Variants in TEX10 observed in about 807,000 individuals in gnomAD.
The protein encoded by TEX10 is testis expressed 10, also known as testis-expressed protein 10.
Under a neutral mutation model 104.4 loss-of-function variants are expected in TEX10, and 24 were observed. That is an observed-to-expected ratio of 0.23 (90% CI 0.17 to 0.32). The LOEUF (loss-of-function observed/expected upper bound fraction) is 0.32, where lower values mean the gene tolerates loss of function less well. Ranked by LOEUF, TEX10 falls within the 10% of genes least tolerant of loss-of-function variation. The probability of loss-of-function intolerance (pLI) is 1.00; values close to 1 mark genes in which losing one functional copy is unlikely to be tolerated. For synonymous variants in TEX10, 396 were observed against 393.4 expected (o/e 1.01, Z -0.08); for missense variants, 921 against 1,083.9 (o/e 0.85, Z 2.11).
chr9:100,314,345 C>G (rs1290406741), intron 11 of TEX10, among the ~76,000 whole-genome samples: 1 of 152,142 alleles, frequency 6.6e-6, no homozygotes, highest in Non-Finnish European at 1.5e-5. Flanking sequence ...CTCAGCCTCC[C>G]AAAATGCTGG....
intron 13 of TEX10, chr9:100,306,055 C>G (rs149300443): frequency 6.6e-6 from 1 of 151,746 alleles, no homozygotes; most frequent in Non-Finnish European, 1.5e-5. Flanking sequence ...CAAGAACACG[C>G]GAAAATGACA....
At chr9:100,316,218 G>C (rs535217447) in intron 11 of TEX10, among the ~76,000 whole-genome samples, 1 of 152,172 alleles carries the variant, frequency 6.6e-6, no homozygotes, top group Non-Finnish European at 1.5e-5. Context: ...GAATGGTTCA[G>C]TATACACAAA....
At chr9:100,312,279 G>A (rs954918889) in intron 11 of TEX10, among the ~76,000 whole-genome samples, 1 of 152,168 alleles carries the variant, frequency 6.6e-6, no homozygotes, top group African/African-American at 2.4e-5. Flanking sequence ...GTAAACTCTG[G>A]CACTGGATTT....
At chr9:100,317,132 A>G (rs1038886740) in intron 11 of TEX10, among the ~76,000 whole-genome samples, 4 of 152,112 alleles carry the variant, frequency 2.6e-5, no homozygotes, top group South Asian at 2.1e-4. Context: ...ACAAAATTAG[A>G]AAAAAACCAT....
At chr9:100,342,591 T>C (rs1835201049) in intron 4 of TEX10, among the ~76,000 whole-genome samples, 1 of 152,226 alleles carries the variant, frequency 6.6e-6, no homozygotes, top group Non-Finnish European at 1.5e-5. Context: ...CCATTATTTA[T>C]TGATGCCCAA....
At chr9:100,313,387 C>T (rs541429012) in intron 11 of TEX10, among the ~76,000 whole-genome samples, 10 of 151,466 alleles carry the variant, frequency 6.6e-5, no homozygotes, top group Admixed American at 1.3e-4. Flanking sequence ...TGGTGGCAAG[C>T]GCCTGTAATC....
At chr9:100,333,379 T>C (rs1228307010) in intron 5 of TEX10, among the ~76,000 whole-genome samples, 2 of 152,146 alleles carry the variant, frequency 1.3e-5, no homozygotes, top group African/African-American at 4.8e-5. Flanking sequence ...GGAATAATTC[T>C]TCCTAAACTA....
chr9:100,347,226 G>A lies in TEX10; in HGVS notation c.361C>T (p.Leu121Phe). The stretch of plus-strand genomic sequence containing the variant: ...ATTTTGGGGGCCAGGAATTGAAGAA[G>A]TTGAACTGCTGCTAATCGTACATTA... ...DANVRLAAVQLLQFLAPKIRA... is the reference protein window; with the variant it reads ...DANVRLAAVQFLQFLAPKIRA... The change falls in exon 3 of 15, where the codon CTT (leucine) becomes TTT (phenylalanine). Residue 121 changes from leucine (L) to phenylalanine (F), a missense_variant. Coordinates refer to ENST00000374902, the MANE Select transcript of TEX10 (RefSeq NM_017746.4). The A allele has an allele frequency of 6.2e-7, 1 of 1,614,108 alleles. No homozygotes were observed. Among genetic ancestry groups the A allele is most frequent in the Non-Finnish European group, 8.5e-7 (1 of 1,180,004 alleles).
At chr9:100,323,935 A>G (rs981444907) in intron 9 of TEX10, among the ~76,000 whole-genome samples, 2 of 152,228 alleles carry the variant, frequency 1.3e-5, no homozygotes, top group African/African-American at 2.4e-5. Flanking sequence ...AAATAATTTA[A>G]AAGTTGACTA....
At chr9:100,318,451 G>A (rs911937733) in intron 11 of TEX10, among the ~76,000 whole-genome samples, 2 of 152,148 alleles carry the variant, frequency 1.3e-5, no homozygotes, top group Non-Finnish European at 2.9e-5. Flanking sequence ...ACATACAATA[G>A]AGACTCAAAA....
intron 5 of TEX10, among the ~76,000 whole-genome samples, 182 bp downstream of exon 5, chr9:100,340,075 T>G (rs10989062): frequency 0.13 from 20,122 of 152,130 alleles, 1,382 homozygotes; most frequent in Non-Finnish European, 0.15. Context: ...AAAAATAAAA[T>G]GTTAATCCCA....
At chr9:100,327,994 T>C (rs1834751789) in intron 7 of TEX10, 32 bp from the exon 8 acceptor site, 1 of 1,467,840 alleles carries the variant, frequency 6.8e-7, no homozygotes. Context: ...TAAAATGTAA[T>C]ACTCAAAGAC....
intron 1 of TEX10, chr9:100,352,491 G>T (rs1263304550): frequency 2.7e-5 from 42 of 1,551,092 alleles, no homozygotes; most frequent in Non-Finnish European, 3.7e-5. Context: ...GGGAAGTGGG[G>T]CCCGATTCAC....
chr9:100,311,935 A>C (rs1310173793), intron 11 of TEX10, among the ~76,000 whole-genome samples: 1 of 152,154 alleles, frequency 6.6e-6, no homozygotes, highest in African/African-American at 2.4e-5. Context: ...AGCCCTGAAA[A>C]ATCAAGACTT....
chr9:100,305,590 G>A (rs1834123932), intron 13 of TEX10: 1 of 151,972 alleles, frequency 6.6e-6, no homozygotes, highest in Non-Finnish European at 1.5e-5. Context: ...CTTAATTTGA[G>A]TGGATTTCAA....
intron 1 of TEX10, among the ~76,000 whole-genome samples, chr9:100,352,013 T>C (rs914323969): frequency 8.4e-5 from 8 of 95,010 alleles, no homozygotes; most frequent in African/African-American, 2.6e-4. Flanking sequence ...ATTCCTACTG[T>C]AGGTCTTTTC....
intron 5 of TEX10, among the ~76,000 whole-genome samples, chr9:100,332,270 T>C (rs1834881570): frequency 6.6e-6 from 1 of 152,200 alleles, no homozygotes; most frequent in Non-Finnish European, 1.5e-5. Flanking sequence ...CAGTAAACAC[T>C]GGGATAGAAT....
chr9:100,326,288 C>T lies in TEX10; in HGVS notation c.1979+14G>A. 6.2e-7 allele frequency: 1 copy of T among 1,610,862 alleles called. No individual in the cohort carries two copies. The highest frequency in any genetic ancestry group is 8.5e-7 in the Non-Finnish European group (1 of 1,178,720). On this transcript the variant is annotated intron_variant, in intron 9 of 14. Transcript: ENST00000374902. ...GATTATACACTTAAAATACAGCTCA[C>T]TTGAGCATGCTACCTCATGTGCAGT...
At chr9:100,352,335 T>C (rs924475626) in intron 1 of TEX10, 13 of 1,549,270 alleles carry the variant, frequency 8.4e-6, no homozygotes, top group Non-Finnish European at 1.1e-5. Context: ...CTCTCCCGCC[T>C]GGGCGACCAG....
Sources: allele counts gnomAD v4.1 joint callset (sites outside exome capture counted in the v4.1 genomes callset), GRCh38; gene constraint gnomAD v4.1.1; transcripts MANE v1.5; gene names NCBI Gene and HGNC (gene_info 2026-07-23, HGNC 2026-07-21).